FOXR1: variants seen among roughly 807,000 people sequenced by gnomAD.
FOXR1 encodes the protein forkhead box R1.
Under a neutral mutation model 34.5 loss-of-function variants are expected in FOXR1, and 25 were observed. The observed-to-expected ratio is 0.72, with a 90% CI of 0.53 to 1.01. FOXR1 has a LOEUF of 1.01. FOXR1 is among the 50% of genes least tolerant of loss of function. The pLI, the probability that FOXR1 is intolerant of heterozygous loss-of-function variation, is 0.00. For missense variants in FOXR1, 373 were observed against 376.2 expected (o/e 0.99, Z 0.07); for synonymous variants, 153 against 141.6 (o/e 1.08, Z -0.57).
chr11:118,972,684 G>A (rs980115644), intron 1 of FOXR1, among the ~76,000 whole-genome samples: 5 of 151,328 alleles, frequency 3.3e-5, no homozygotes, highest in Non-Finnish European at 7.4e-5. Flanking sequence ...GTGCAGTGGC[G>A]CGATCTCGGC....
At chr11:118,977,945 C>G (rs927232267) in intron 1 of FOXR1, among the ~76,000 whole-genome samples, 1 of 151,890 alleles carries the variant, frequency 6.6e-6, no homozygotes, top group African/African-American at 2.4e-5. Context: ...TTGGGCTGGG[C>G]GCGGTGGCTC....
At chr11:118,976,904 T>C (rs1941785610) in intron 1 of FOXR1, among the ~76,000 whole-genome samples, 1 of 152,206 alleles carries the variant, frequency 6.6e-6, no homozygotes, top group African/African-American at 2.4e-5. Context: ...ATTTCTAAGT[T>C]TGTGTTGACC....
At chr11:118,976,091 G>A (rs530335862) in intron 1 of FOXR1, among the ~76,000 whole-genome samples, 35 of 152,366 alleles carry the variant, frequency 2.3e-4, no homozygotes, top group Middle Eastern at 3.4e-3. Context: ...GTGCATAAAT[G>A]AGGTTACGGA....
chr11:118,976,321 A>G (rs1208133382), intron 1 of FOXR1, among the ~76,000 whole-genome samples: 1 of 152,206 alleles, frequency 6.6e-6, no homozygotes, highest in Admixed American at 6.5e-5. Context: ...CAGCCTCCTG[A>G]GTAGCTGGGA....
intron 1 of FOXR1, among the ~76,000 whole-genome samples, chr11:118,974,378 A>G (rs1393624669): frequency 6.6e-6 from 1 of 151,998 alleles, no homozygotes; most frequent in East Asian, 1.9e-4. Context: ...TAACTTTTTT[A>G]CTATTTGTAG....
intron 4 of FOXR1, 97 bp downstream of exon 4, chr11:118,979,765 T>C (rs907242600): frequency 1.8e-6 from 2 of 1,133,940 alleles, no homozygotes; most frequent in Non-Finnish European, 2.5e-6. Flanking sequence ...GCTGACCTGG[T>C]TTCCCTATCT....
At chr11:118,974,340 A>C (rs2134480013) in intron 1 of FOXR1, among the ~76,000 whole-genome samples, 1 of 152,334 alleles carries the variant, frequency 6.6e-6, no homozygotes, top group South Asian at 2.1e-4. Context: ...AAGTAGCTGC[A>C]ACCACAGGCA....
chr11:118,972,765 G>A (rs1202272836), intron 1 of FOXR1, among the ~76,000 whole-genome samples: 1 of 152,088 alleles, frequency 6.6e-6, no homozygotes, highest in Non-Finnish European at 1.5e-5. Flanking sequence ...CTGGATTGCA[G>A]GGGTGCGCCA....
intron 1 of FOXR1, among the ~76,000 whole-genome samples, chr11:118,974,341 A>G (rs1199958080): frequency 2.6e-5 from 4 of 152,318 alleles, no homozygotes; most frequent in Middle Eastern, 3.4e-3. Context: ...AGTAGCTGCA[A>G]CCACAGGCAC....
intron 1 of FOXR1, among the ~76,000 whole-genome samples, chr11:118,972,662 G>A (rs1941727682): frequency 6.7e-6 from 1 of 149,040 alleles, no homozygotes; most frequent in Non-Finnish European, 1.5e-5. Flanking sequence ...TTGCTCTGTC[G>A]CCCAGGCTGG....
chr11:118,974,929 A>G (rs1312331218), intron 1 of FOXR1, among the ~76,000 whole-genome samples: 5 of 152,182 alleles, frequency 3.3e-5, no homozygotes, highest in African/African-American at 7.2e-5. Flanking sequence ...TCTGTTCTGG[A>G]TATGCTGAGC....
Position 118,979,045 on chromosome 11 carries a change from G to A in FOXR1, c.225G>A (p.Lys75=), listed in dbSNP as rs782458567. ...PGKLEVSGRR[K]REDLTSTLPS... is the part of the protein sequence containing the mutation. ...AGCTGGAGGTCTCAGGACGTAGGAA[G>A]AGGGAGGACCTGACAAGCACACTCC... is the stretch of plus-strand genomic sequence containing the variant. Residue 75 remains lysine (K), a synonymous_variant, in exon 3 of 6, where the codon AAG becomes AAA. Transcript: ENST00000317011. The A allele has an allele frequency of 6.2e-7, 1 of 1,603,458 alleles. No individual in the cohort carries two copies. Among genetic ancestry groups the A allele is most frequent in the Admixed American group, 1.7e-5 (1 of 57,884 alleles).
At position 118,979,673 on chromosome 11, in the gene FOXR1, G is replaced by A. The variant is rs373947080; in HGVS notation, c.611+5G>A. 3.2e-6 allele frequency: 5 copies of A among 1,583,294 alleles called. No individual in the cohort carries two copies. The highest frequency in any genetic ancestry group is 4.3e-6 in the Non-Finnish European group (5 of 1,164,170). On this transcript the variant is annotated splice_donor_5th_base_variant and intron_variant, in intron 4 of 5. Coordinates refer to ENST00000317011, the MANE Select transcript of FOXR1 (RefSeq NM_181721.3). ...ACAGATCTACAGTTTCACTCGGTAT[G>A]TGCCGGGGGCCCTGCGAGGAGGGGG... is the stretch of plus-strand genomic sequence containing the variant.
Position 118,971,771 on chromosome 11 carries a change from A to AG in FOXR1, c.-159dup, listed in dbSNP as rs777410486. On this transcript the variant is annotated 5_prime_UTR_variant, in exon 1 of 6. Transcript: ENST00000317011. ...TCAATCCGAGCCGGCGCATTTGAGA[A>AG]GGCGCCTGTGAGGGTCGCTCCTCAG... The AG allele has an allele frequency of 1.5e-4, 106 of 709,702 alleles. No homozygotes were observed. Among genetic ancestry groups the AG allele is most frequent in the Non-Finnish European group, 2.4e-4 (100 of 409,562 alleles). The allele number at this position is 709,702 out of a possible 1,614,324, so 44.0% of individuals were successfully genotyped here. A position where few individuals can be genotyped will look rare whatever the true frequency, so the allele number is the denominator to read the frequency against.
intron 1 of FOXR1, among the ~76,000 whole-genome samples, chr11:118,973,548 C>T (rs1365885249): frequency 7.2e-5 from 11 of 151,948 alleles, no homozygotes; most frequent in African/African-American, 2.4e-4. Flanking sequence ...TACAGGCACG[C>T]GCTACCATGC....
chr11:118,974,866 T>C lies in FOXR1; in HGVS notation c.61+2874T>C, dbSNP rs558369907. 2.0e-5 allele frequency among the ~76,000 whole-genome samples: 3 copies of C among 152,214 alleles called. No homozygotes were observed. In the South Asian group the frequency reaches 6.2e-4, roughly 32 times the overall value. ...AAAGTGTTTTGACCTAGTGGAAGGA[T>C]AGAGTTGCCTTGTACTGAGTGGGAG... On this transcript the variant is annotated intron_variant, in intron 1 of 5. Transcript: ENST00000317011.
chr11:118,976,195 AG>A (rs1941777561), intron 1 of FOXR1, among the ~76,000 whole-genome samples: 1 of 145,146 alleles, frequency 6.9e-6, no homozygotes, highest in African/African-American at 2.5e-5. Flanking sequence ...TAAATAGCAA[AG>A]ATCATGTTTT....
Position 118,978,820 on chromosome 11 carries a change from T to C in FOXR1, c.100T>C (p.Leu34=), listed in dbSNP as rs138068705. 121 of 1,614,046 alleles carry C rather than the reference T, an allele frequency of 7.5e-5. No homozygotes were observed. Among genetic ancestry groups the C allele is most frequent in the Non-Finnish European group, 9.4e-5 (111 of 1,180,040 alleles). ...ACTCCGAATTGTTAAGCCACCAAAA[T>C]TACCCCTAGAGAAAAAACCCAACCC... ...YKLRIVKPPK[L]PLEKKPNPDK... The change falls in exon 2 of 6, where the codon TTA becomes CTA. Residue 34 remains leucine, a synonymous_variant. Coordinates refer to ENST00000317011, the MANE Select transcript of FOXR1 (RefSeq NM_181721.3).
At position 118,978,839 on chromosome 11, in the gene FOXR1, C is replaced by G. The variant is rs1941809788; in HGVS notation, c.119C>G (p.Pro40Arg). 1.2e-6 allele frequency: 2 copies of G among 1,614,164 alleles called. No individual in the cohort carries two copies. Among genetic ancestry groups the G allele is most frequent in the Non-Finnish European group, 1.7e-6 (2 of 1,180,030 alleles). The change falls in exon 2 of 6, where the codon CCC becomes CGC. Residue 40 changes from proline to arginine, a missense_variant. Coordinates refer to ENST00000317011, the MANE Select transcript of FOXR1 (RefSeq NM_181721.3). ...CCAAAATTACCCCTAGAGAAAAAAC[C>G]CAACCCTGATAAGGATGGTACGTAT... ...KPPKLPLEKK[P>R]NPDKDGPDYE...
Sources: gnomAD v4.1 joint callset for allele counts (sites outside exome capture counted in the v4.1 genomes callset) on GRCh38, gnomAD v4.1.1 for gene constraint, MANE v1.5 for transcripts, NCBI Gene and HGNC (gene_info 2026-07-23, HGNC 2026-07-21) for gene names.